Variants in DIAPH3 observed in about 807,000 individuals in gnomAD.
The protein encoded by DIAPH3 is diaphanous related formin 3.
DIAPH3 carries 117 observed loss-of-function variants against 144.3 expected under a neutral mutation model. The ratio of observed to expected loss-of-function variants is 0.81; its 90% CI spans 0.70 to 0.95. The LOEUF is 0.95. Ranked by LOEUF, DIAPH3 falls within the 40% of genes least tolerant of loss-of-function variation. The probability of loss-of-function intolerance (pLI) is 0.00; values close to 1 mark genes in which losing one functional copy is unlikely to be tolerated. For missense variants in DIAPH3, 1,421 were observed against 1,412.7 expected, an observed-to-expected ratio of 1.01 and a Z score of -0.09; for synonymous variants, 519 against 488.9, an observed-to-expected ratio of 1.06 and a Z score of -0.81.
chr13:59,988,344 G>T (rs1273861645), intron 12 of DIAPH3, among the ~76,000 whole-genome samples: 1 of 151,808 alleles, frequency 6.6e-6, no homozygotes, highest in Non-Finnish European at 1.5e-5. Flanking sequence ...TAAAAATCTA[G>T]ATGATGTATT....
chr13:60,010,517 T>C lies in DIAPH3; in HGVS notation c.908+16A>G, dbSNP rs367702068. 15 of 1,558,910 alleles carry C rather than the reference T, an allele frequency of 9.6e-6. No individual in the cohort carries two copies. Among genetic ancestry groups the C allele is most frequent in the South Asian group, 9.4e-5 (8 of 85,536 alleles). On this transcript the variant is annotated intron_variant, in intron 8 of 27. Coordinates refer to ENST00000400324, the MANE Select transcript of DIAPH3 (RefSeq NM_001042517.2). The stretch of plus-strand genomic sequence containing the variant: ...AAATTATTATATAATTAGGGGAATA[T>C]GTTGATAACACTTACATGCTTTCTT...
intron 4 of DIAPH3, among the ~76,000 whole-genome samples, chr13:60,058,858 A>G (rs879465418): frequency 3.3e-5 from 5 of 151,920 alleles, no homozygotes; most frequent in African/African-American, 4.8e-5. Context: ...CTATGTGTAC[A>G]CAAGGCATAC....
At chr13:59,922,106 C>T (rs2047548407) in intron 18 of DIAPH3, among the ~76,000 whole-genome samples, 1 of 151,864 alleles carries the variant, frequency 6.6e-6, no homozygotes, top group African/African-American at 2.4e-5. Context: ...ATCATCATAA[C>T]AAACAGAAAA....
intron 20 of DIAPH3, among the ~76,000 whole-genome samples, chr13:59,900,067 TC>T (rs985243538): frequency 2.0e-5 from 3 of 152,174 alleles, no homozygotes; most frequent in Admixed American, 6.5e-5. Context: ...CCACTTATCC[TC>T]CCACTCTACA....
intron 27 of DIAPH3, among the ~76,000 whole-genome samples, chr13:59,752,785 T>C (rs2037076957): frequency 6.6e-6 from 1 of 152,200 alleles, no homozygotes; most frequent in Admixed American, 6.5e-5. Flanking sequence ...AATTTAATCA[T>C]TCAAATTTCT....
At chr13:59,947,490 G>T (rs573911241) in intron 17 of DIAPH3, among the ~76,000 whole-genome samples, 1 of 152,194 alleles carries the variant, frequency 6.6e-6, no homozygotes, top group South Asian at 2.1e-4. Context: ...AATCAGACAC[G>T]ATCTAAATTT....
At chr13:59,949,221 A>G (rs578166039) in intron 17 of DIAPH3, among the ~76,000 whole-genome samples, 15 of 152,296 alleles carry the variant, frequency 9.8e-5, no homozygotes, top group African/African-American at 3.4e-4. Flanking sequence ...TTAAAGTTCA[A>G]TTTGATTAAA....
At chr13:59,822,692 C>T (rs753884420) in intron 24 of DIAPH3, among the ~76,000 whole-genome samples, 3 of 152,014 alleles carry the variant, frequency 2.0e-5, no homozygotes, top group African/African-American at 7.2e-5. Context: ...TCCACCCACT[C>T]GGCCTCCCAA....
At chr13:60,040,251 A>AAAAG (rs1555363112) in intron 5 of DIAPH3, among the ~76,000 whole-genome samples, 18 of 145,474 alleles carry the variant, frequency 1.2e-4, no homozygotes, top group African/African-American at 4.9e-4. Context: ...AAAAAAAAAA[A>AAAAG]GGATCTTCTC....
At chr13:60,129,124 T>G (rs556132167) in intron 2 of DIAPH3, among the ~76,000 whole-genome samples, 321 of 152,252 alleles carry the variant, frequency 2.1e-3, no homozygotes, top group East Asian at 6.2e-3. Context: ...ACAACTCCTA[T>G]ACTCCAAAAA....
At chr13:60,155,981 T>C (rs1007497616) in intron 1 of DIAPH3, among the ~76,000 whole-genome samples, 1 of 152,234 alleles carries the variant, frequency 6.6e-6, no homozygotes, top group Non-Finnish European at 1.5e-5. Flanking sequence ...CCTAGCTTCA[T>C]TTCCTATGGC....
chr13:59,959,946 T>C (rs1191966267), intron 17 of DIAPH3, among the ~76,000 whole-genome samples: 4 of 152,154 alleles, frequency 2.6e-5, no homozygotes, highest in Non-Finnish European at 5.9e-5. Context: ...GAAGCTAACC[T>C]AGAGTTCTCA....
At chr13:59,794,390 G>C (rs2039480120) in intron 25 of DIAPH3, among the ~76,000 whole-genome samples, 1 of 152,118 alleles carries the variant, frequency 6.6e-6, no homozygotes, top group East Asian at 1.9e-4. Context: ...AACAACTGTT[G>C]AAGGTAAATA....
At chr13:59,740,330 T>C (rs1329091465) in intron 27 of DIAPH3, among the ~76,000 whole-genome samples, 2 of 152,228 alleles carry the variant, frequency 1.3e-5, no homozygotes, top group Non-Finnish European at 2.9e-5. Context: ...TGTACACTAA[T>C]GATTTCATCT....
intron 24 of DIAPH3, among the ~76,000 whole-genome samples, chr13:59,830,441 T>C (rs2041713337): frequency 6.6e-6 from 1 of 151,858 alleles, no homozygotes; most frequent in Non-Finnish European, 1.5e-5. Flanking sequence ...TTTAATACAT[T>C]TTAATATTTA....
intron 27 of DIAPH3, among the ~76,000 whole-genome samples, chr13:59,710,484 A>T (rs1002234524): frequency 2.0e-5 from 3 of 152,226 alleles, no homozygotes; most frequent in Non-Finnish European, 2.9e-5. Flanking sequence ...TTTTAATAAA[A>T]TGGTGACTCA....
At chr13:60,127,490 A>G (rs576822176) in intron 2 of DIAPH3, among the ~76,000 whole-genome samples, 9 of 151,862 alleles carry the variant, frequency 5.9e-5, no homozygotes, top group African/African-American at 2.2e-4. Flanking sequence ...GACTCCCACA[A>G]AAAACAAAAA....
intron 15 of DIAPH3, among the ~76,000 whole-genome samples, chr13:59,971,754 C>T (rs560468409): frequency 6.6e-6 from 1 of 152,034 alleles, no homozygotes; most frequent in Non-Finnish European, 1.5e-5. Flanking sequence ...TGATCTAGTC[C>T]CTGCTATCTG....
intron 27 of DIAPH3, among the ~76,000 whole-genome samples, chr13:59,670,007 T>C (rs918780822): frequency 1.3e-5 from 2 of 152,200 alleles, no homozygotes; most frequent in Non-Finnish European, 2.9e-5. Context: ...AAGGATGAAA[T>C]GCCTAGCATT....
Sources: gnomAD v4.1 joint callset for allele counts (sites outside exome capture counted in the v4.1 genomes callset) on GRCh38, gnomAD v4.1.1 for gene constraint, MANE v1.5 for transcripts, NCBI Gene and HGNC (gene_info 2026-07-23, HGNC 2026-07-21) for gene names.